Variants in USHBP1 observed in about 807,000 individuals in gnomAD.
USHBP1 encodes harmonin-binding protein USHBP1.
In USHBP1, 67 loss-of-function variants were observed where a neutral mutation model predicts 76.2. That is an observed-to-expected ratio of 0.88 (90% CI 0.72 to 1.08). The LOEUF (loss-of-function observed/expected upper bound fraction) is 1.08, where lower values mean the gene tolerates loss of function less well. Ranked by LOEUF, USHBP1 falls within the 50% of genes least tolerant of loss-of-function variation. The probability of loss-of-function intolerance (pLI) is 0.00; values close to 1 mark genes in which losing one functional copy is unlikely to be tolerated. For synonymous variants in USHBP1, 322 were observed against 362.2 expected (o/e 0.89, Z 1.26); for missense variants, 931 against 915.0 (o/e 1.02, Z -0.23).
intron 4 of USHBP1, 85 bp from the exon 5 acceptor site, chr19:17,260,107 G>T: frequency 6.8e-7 from 1 of 1,477,694 alleles, no homozygotes; most frequent in Non-Finnish European, 9.0e-7. Context: ...TTGGGGAAGT[G>T]GCAAGAACCC....
chr19:17,264,199 T>C (rs771892154), intron 2 of USHBP1, 47 bp downstream of exon 2: 144 of 1,612,894 alleles, frequency 8.9e-5, no homozygotes, highest in Non-Finnish European at 1.1e-4. Flanking sequence ...GGACAGGACC[T>C]TGGGGTCCCC....
At chr19:17,257,019 T>TA (rs2073627903) in intron 8 of USHBP1, among the ~76,000 whole-genome samples, 1 of 144,254 alleles carries the variant, frequency 6.9e-6, no homozygotes, top group African/African-American at 2.6e-5. Flanking sequence ...TGAGAATCCG[T>TA]CTTTTTTTTT....
chr19:17,263,939 G>A, intron 3 of USHBP1, 63 bp downstream of exon 3: 1 of 1,461,612 alleles, frequency 6.8e-7, no homozygotes, highest in Non-Finnish European at 9.0e-7. Flanking sequence ...CACATCAGCA[G>A]ATCTGTGGAT....
Position 17,256,560 on chromosome 19 carries a change from T to C in USHBP1, c.1381A>G (p.Met461Val). 6.2e-7 allele frequency: 1 copy of C among 1,614,154 alleles called. No individual in the cohort carries two copies. The highest frequency in any genetic ancestry group is 8.5e-7 in the Non-Finnish European group (1 of 1,180,032). The change falls in exon 9 of 13, where the codon ATG becomes GTG. Residue 461 changes from methionine to valine, a missense_variant. Coordinates refer to ENST00000252597, the MANE Select transcript of USHBP1 (RefSeq NM_031941.4). ...PMPTVPRAEAMVQAILGTQAG... is the reference protein window; with the variant it reads ...PMPTVPRAEAVVQAILGTQAG... Reference sequence around the variant, plus strand: ...TGGGTCCCCAGAATGGCCTGCACCATGGCTTCTGCACGGGGCACAGTGGGC... The same window carrying C: ...TGGGTCCCCAGAATGGCCTGCACCACGGCTTCTGCACGGGGCACAGTGGGC...
At chr19:17,260,830 C>A (rs1488118728) in intron 4 of USHBP1, among the ~76,000 whole-genome samples, 4 of 152,166 alleles carry the variant, frequency 2.6e-5, no homozygotes, top group African/African-American at 9.7e-5. Context: ...CCTGTAGCTC[C>A]TCCATCTCTC....
Position 17,259,640 on chromosome 19 carries a change from A to G in USHBP1, c.861T>C (p.Ser287=), listed in dbSNP as rs1232248631. 2 of 1,613,864 alleles carry G rather than the reference A, an allele frequency of 1.2e-6. No individual in the cohort carries two copies. Among genetic ancestry groups the G allele is most frequent in the South Asian group, 2.2e-5 (2 of 91,052 alleles). ...GGGCTTCCATGATGTGCATCTCAGG[A>G]CTGAGGGGCTGGTTGGGAAGAGACC... ...ILGSLPNQPL[S]PEMHIMEAQM... Residue 287 remains serine (S), a synonymous_variant, in exon 6 of 13, where the codon AGT becomes AGC. Transcript: ENST00000252597.
chr19:17,264,118 C>G lies in USHBP1; in HGVS notation c.87G>C (p.Glu29Asp). 6.2e-7 allele frequency: 1 copy of G among 1,614,120 alleles called. No individual in the cohort carries two copies. ...GELDPVAESSEEVEAASGSSK... is the reference protein window; with the variant it reads ...GELDPVAESSDEVEAASGSSK... Reference sequence around the variant, plus strand: ...AGCTCCCACTGGCTGCCTCGACCTCCTCTGAACTCTCAGCCACGGGATCCA... The same window carrying G: ...AGCTCCCACTGGCTGCCTCGACCTCGTCTGAACTCTCAGCCACGGGATCCA... The change falls in exon 3 of 13, where the codon GAG (glutamate) becomes GAC (aspartate). Residue 29 changes from glutamate to aspartate, a missense_variant. Glu to Asp is a conservative substitution (Grantham distance 45). Coordinates refer to ENST00000252597, the MANE Select transcript of USHBP1 (RefSeq NM_031941.4).
intron 10 of USHBP1, among the ~76,000 whole-genome samples, chr19:17,253,720 C>T (rs2073582143): frequency 6.7e-6 from 1 of 148,890 alleles, no homozygotes; most frequent in African/African-American, 2.5e-5. Flanking sequence ...ATGGTGAAAC[C>T]CTGTCACTAC....
At chr19:17,251,356 GTT>G (rs2073548876) in intron 12 of USHBP1, among the ~76,000 whole-genome samples, 1 of 151,706 alleles carries the variant, frequency 6.6e-6, no homozygotes, top group African/African-American at 2.4e-5. Flanking sequence ...TAGAGATGGG[GTT>G]TCACCACGTT....
rs935952934 is a variant in USHBP1 at position 17,262,535 on chromosome 19, A to C, written c.642+17T>G. ...TCAGACAGAGAGCCACATGGGACTC[A>C]GGATGGCCCCACTCACCTCTTTCTG... On this transcript the variant is annotated intron_variant, in intron 4 of 12. Coordinates refer to ENST00000252597, the MANE Select transcript of USHBP1 (RefSeq NM_031941.4). The C allele has an allele frequency of 3.8e-6, 6 of 1,587,422 alleles. No homozygotes were observed. The highest frequency in any genetic ancestry group is 1.3e-5 in the African/African-American group (1 of 74,368).
At chr19:17,252,498 G>A (rs1245039840) in intron 10 of USHBP1, among the ~76,000 whole-genome samples, 2 of 151,978 alleles carry the variant, frequency 1.3e-5, no homozygotes, top group Admixed American at 6.6e-5. Context: ...AGGCCAAGAC[G>A]GGTGGATCAC....
chr19:17,250,833 C>T (rs1158845459), intron 12 of USHBP1, among the ~76,000 whole-genome samples: 1 of 151,874 alleles, frequency 6.6e-6, no homozygotes, highest in Non-Finnish European at 1.5e-5. Context: ...GGATTACAGG[C>T]GTGAGCCACC....
rs760247518 is a variant in USHBP1 at position 17,262,798 on chromosome 19, C to T, written c.396G>A (p.Ala132=). 42 of 1,614,046 alleles carry T rather than the reference C, an allele frequency of 2.6e-5. 2 individuals carry two copies. Among genetic ancestry groups the T allele is most frequent in the South Asian group, 1.4e-4 (13 of 91,084 alleles). ...LQHTLSSLEA[A]AAAWRHQPPS... ...GGGGCTGGTGGCGCCAGGCTGCAGC[C>T]GCTGCCTCCAGGGAGCTCAGAGTGT... is the stretch of plus-strand genomic sequence containing the variant. Residue 132 remains alanine (A), a synonymous_variant, in exon 4 of 13, where the codon GCG becomes GCA. Coordinates refer to ENST00000252597, the MANE Select transcript of USHBP1 (RefSeq NM_031941.4).
At chr19:17,258,104 G>A in intron 8 of USHBP1, 108 bp downstream of exon 8, 3 of 1,507,314 alleles carry the variant, frequency 2.0e-6, no homozygotes, top group East Asian at 2.3e-5. Flanking sequence ...CGACCTTGCT[G>A]GACACAGCCA....
At chr19:17,258,947 C>G (rs867515025) in intron 7 of USHBP1, among the ~76,000 whole-genome samples, 1 of 151,958 alleles carries the variant, frequency 6.6e-6, no homozygotes, top group Non-Finnish European at 1.5e-5. Context: ...TAGGGGGGAT[C>G]ATGAGGTCAG....
intron 4 of USHBP1, 111 bp downstream of exon 4, chr19:17,262,441 C>A: frequency 7.7e-7 from 1 of 1,295,242 alleles, no homozygotes; most frequent in Non-Finnish European, 1.0e-6. Context: ...AGCCACCACA[C>A]CCAGCCTTAA....
chr19:17,259,418 T>G lies in USHBP1; in HGVS notation c.917A>C (p.Lys306Thr). The G allele has an allele frequency of 1.2e-6, 2 of 1,614,102 alleles. No homozygotes were observed. Among genetic ancestry groups the G allele is most frequent in the Non-Finnish European group, 1.7e-6 (2 of 1,180,020 alleles). ...TAGCAGACGATTAAAGCATTTGAGCTTCTCAATGCTCCTGTTCCCGAAGGT... is the reference window on the plus strand; with the variant it reads ...TAGCAGACGATTAAAGCATTTGAGCGTCTCAATGCTCCTGTTCCCGAAGGT... The part of the protein sequence containing the change: ...QMEQLRGSIE[K>T]LKCFNRLLSA... The change falls in exon 7 of 13, where the codon AAG becomes ACG. Residue 306 changes from lysine to threonine, a missense_variant. Transcript: ENST00000252597.
intron 1 of USHBP1, 74 bp from the exon 2 acceptor site, chr19:17,264,421 T>A: frequency 3.3e-6 from 4 of 1,206,214 alleles, no homozygotes; most frequent in Non-Finnish European, 4.6e-6. Flanking sequence ...TCCTCTGCTG[T>A]GAAATGGGGC....
chr19:17,255,740 C>A, intron 9 of USHBP1, 134 bp from the exon 10 acceptor site: 2 of 972,278 alleles, frequency 2.1e-6, no homozygotes, highest in Non-Finnish European at 3.0e-6. Flanking sequence ...GTGGCTCATG[C>A]CTGTAATCCC....
Sources: allele counts gnomAD v4.1 joint callset (sites outside exome capture counted in the v4.1 genomes callset), GRCh38; gene constraint gnomAD v4.1.1; transcripts MANE v1.5; gene names NCBI Gene and HGNC (gene_info 2026-07-23, HGNC 2026-07-21).